The following PCGF3 variants were observed in gnomAD, a reference collection of about 807,000 sequenced individuals.
PCGF3 encodes polycomb group RING finger protein 3.
In PCGF3, 7 loss-of-function variants were observed where a neutral mutation model predicts 33.1. The observed-to-expected ratio is 0.21, with a 90% CI of 0.12 to 0.40. The LOEUF is 0.40. Ranked by LOEUF, PCGF3 falls within the 10% of genes least tolerant of loss-of-function variation. PCGF3 has a pLI of 1.00. For missense variants in PCGF3, 211 were observed against 313.3 expected, an observed-to-expected ratio of 0.67 and a Z score of 2.46; for synonymous variants, 153 against 121.3, an observed-to-expected ratio of 1.26 and a Z score of -1.72.
At chr4:743,005 T>G (rs879894444) in intron 6 of PCGF3, among the ~76,000 whole-genome samples, 4 of 152,104 alleles carry the variant, frequency 2.6e-5, no homozygotes, top group Non-Finnish European at 4.4e-5. Flanking sequence ...CGCAGGAGCG[T>G]GGGGGGAACC....
At chr4:711,975 A>AAAAG in intron 1 of PCGF3, among the ~76,000 whole-genome samples, 1 of 152,084 alleles carries the variant, frequency 6.6e-6, no homozygotes, top group Non-Finnish European at 1.5e-5. Flanking sequence ...AAGTAAAAAA[A>AAAAG]AAAAGAAAAG....
intron 4 of PCGF3, chr4:734,632 A>G (rs2109616824): frequency 8.0e-7 from 1 of 1,244,296 alleles, no homozygotes; most frequent in Non-Finnish European, 1.0e-6. Context: ...CCATGTTCTG[A>G]TGACCCACAG....
chr4:760,909 T>C (rs1000740639), intron 8 of PCGF3, among the ~76,000 whole-genome samples: 1 of 152,214 alleles, frequency 6.6e-6, no homozygotes, highest in Non-Finnish European at 1.5e-5. Flanking sequence ...TCTCCCCGAG[T>C]GCATTCGCAG....
At chr4:718,279 G>A (rs1202966963) in intron 1 of PCGF3, among the ~76,000 whole-genome samples, 4 of 152,068 alleles carry the variant, frequency 2.6e-5, no homozygotes, top group East Asian at 1.9e-4. Context: ...CGGGGGCGGC[G>A]CTGGGGGCCG....
chr4:713,066 G>T (rs1742642171), intron 1 of PCGF3, among the ~76,000 whole-genome samples: 1 of 148,454 alleles, frequency 6.7e-6, no homozygotes, highest in African/African-American at 2.6e-5. Context: ...TGTACCTCCT[G>T]GGGGCTGTGG....
chr4:710,442 AG>A (rs888175427), intron 1 of PCGF3, among the ~76,000 whole-genome samples: 19 of 152,214 alleles, frequency 1.2e-4, no homozygotes, highest in Admixed American at 3.9e-4. Context: ...CAAAACGGTG[AG>A]CATACGATGG....
At chr4:764,743 C>T (rs1403437292) in intron 9 of PCGF3, 5 of 458,612 alleles carry the variant, frequency 1.1e-5, no homozygotes, top group East Asian at 7.8e-5. Context: ...CACGGGCCTG[C>T]CCTGTAATAT....
chr4:757,494 T>C (rs56148616), intron 8 of PCGF3: 25,796 of 152,284 alleles, frequency 0.17, 2,337 homozygotes, highest in African/African-American at 0.22. Context: ...GCTCTATTTC[T>C]TAAAGTCCCA....
At chr4:754,664 G>A (rs375111974) in intron 8 of PCGF3, among the ~76,000 whole-genome samples, 17 of 152,208 alleles carry the variant, frequency 1.1e-4, no homozygotes, top group Non-Finnish European at 1.8e-4. Context: ...GGCCTGTGGC[G>A]AGAACTTGCT....
intron 1 of PCGF3, among the ~76,000 whole-genome samples, chr4:723,424 G>A (rs756316075): frequency 1.3e-5 from 2 of 152,170 alleles, no homozygotes; most frequent in Non-Finnish European, 2.9e-5. Context: ...AGAAGAAGGT[G>A]GGTGACCAGA....
intron 1 of PCGF3, among the ~76,000 whole-genome samples, chr4:713,493 G>A (rs1314308555): frequency 6.7e-6 from 1 of 150,042 alleles, no homozygotes; most frequent in African/African-American, 2.5e-5. Context: ...GTGGCCTGGT[G>A]GGGGCTGTGG....
At chr4:761,628 C>T (rs767980416) in intron 9 of PCGF3, 4 of 976,050 alleles carry the variant, frequency 4.1e-6, no homozygotes, top group Non-Finnish European at 4.9e-6. Context: ...TGGAATGCTA[C>T]TGTGAGTGGA....
rs540587096 is a variant in PCGF3 at position 769,605 on chromosome 4, C to T, written c.*3526C>T. 5.2e-5 allele frequency: 8 copies of T among 152,774 alleles called. No individual in the cohort carries two copies. In the East Asian group the frequency reaches 7.7e-4, roughly 15 times the overall value. The allele number at this position is 152,774 out of a possible 1,614,324, so 9.5% of individuals were successfully genotyped here. A position where few individuals can be genotyped will look rare whatever the true frequency, so the allele number is the denominator to read the frequency against. On this transcript the variant is annotated 3_prime_UTR_variant, in exon 11 of 11. Coordinates refer to ENST00000362003, the Ensembl canonical transcript of PCGF3. ...CGGGACAGGGTGCGGGCAATGGCCA[C>T]GTGGCCAAGGCCCTGCAGGAACGCG... is the stretch of plus-strand genomic sequence containing the variant.
exon 11 of PCGF3, chr4:769,424 A>C (rs948223862): frequency 6.5e-6 from 1 of 152,734 alleles, no homozygotes; most frequent in African/African-American, 2.4e-5. Flanking sequence ...GCTAAATCAC[A>C]AAACATCCAA....
rs57539880 is a variant in PCGF3, at chr4:728,054, T to C, written c.-189-2576T>C. 4.1e-3 allele frequency among the ~76,000 whole-genome samples: 618 copies of C among 152,342 alleles called. 5 individuals carry two copies. The highest frequency in any genetic ancestry group is 0.014 in the African/African-American group (593 of 41,564). ...GCTAGTCTCAATGCTGGTGAATTAC[T>C]GTTCTAGGAACTTAGCAGTTTCACG... On this transcript the variant is annotated intron_variant, in intron 1 of 10. Transcript: ENST00000362003.
intron 1 of PCGF3, among the ~76,000 whole-genome samples, chr4:719,490 G>A (rs1321421479): frequency 6.6e-6 from 1 of 152,210 alleles, no homozygotes; most frequent in Non-Finnish European, 1.5e-5. Flanking sequence ...TTCCTCCCTG[G>A]CTGCTGTGAG....
intron 1 of PCGF3, among the ~76,000 whole-genome samples, chr4:707,597 ACTCTGGGACAGCTCTGTTTTCC>A (rs1742372197): frequency 4.2e-5 from 4 of 95,900 alleles, no homozygotes; most frequent in Admixed American, 1.0e-4. Context: ...GGGGGTCGGG[ACTCTGGGACAGCTCTGTTTTCC>A]CCTGGGGGTC....
At position 743,552 on chromosome 4, in the gene PCGF3, C is replaced by T. The variant is rs779253635; in HGVS notation, c.341C>T (p.Ser114Phe). The T allele has an allele frequency of 1.9e-6, 3 of 1,611,712 alleles. No individual in the cohort carries two copies. The East Asian group carries it at 6.7e-5, about 36-fold the overall frequency. The change falls in exon 7 of 11, where the codon TCT (serine) becomes TTT (phenylalanine). Residue 114 changes from serine to phenylalanine, a missense_variant. This residue lies in a region of PCGF3 where 95 missense variants were observed against 83.0 expected (regional missense o/e 1.14). Transcript: ENST00000362003. The stretch of plus-strand genomic sequence containing the variant: ...GGAGACATCAAGGGGGAGACCTGCT[C>T]TGCAAAACAGCACTTAGATTCCCAT...
In PCGF3 at chr4:743,258, C is replaced by T. The variant is rs376608656; in HGVS notation, c.263-216C>T. 5.9e-5 allele frequency among the ~76,000 whole-genome samples: 9 copies of T among 152,358 alleles called. No homozygotes were observed. The South Asian group carries it at 6.2e-4, about 11-fold the overall frequency. On this transcript the variant is annotated intron_variant, in intron 6 of 10. Transcript: ENST00000362003. ...CTGGAGCAGCCGGTCTGCGACTCAA[C>T]GTCCCACGTGGGTTGGTGGGGCGGG...
Sources: gnomAD v4.1 joint callset for allele counts (sites outside exome capture counted in the v4.1 genomes callset) on GRCh38, gnomAD v4.1.1 for gene constraint, gnomAD v4.1.1 regional missense constraint, MANE v1.5 for transcripts, NCBI Gene and HGNC (gene_info 2026-07-23, HGNC 2026-07-21) for gene names.